Variants in GAD2 observed in about 807,000 individuals in gnomAD.
The protein encoded by GAD2 is glutamate decarboxylase 2.
In GAD2, 22 loss-of-function variants were observed where a neutral mutation model predicts 80.1. The ratio of observed to expected loss-of-function variants is 0.27; its 90% confidence interval spans 0.20 to 0.39. The LOEUF is 0.39. Ranked by LOEUF, GAD2 falls within the 10% of genes least tolerant of loss-of-function variation. The probability of loss-of-function intolerance (pLI) is 1.00; values close to 1 mark genes in which losing one functional copy is unlikely to be tolerated. For missense variants in GAD2, 624 were observed against 738.4 expected, an observed-to-expected ratio of 0.85 and a Z score of 1.80; for synonymous variants, 274 against 256.9, an observed-to-expected ratio of 1.07 and a Z score of -0.64.
chr10:26,228,233 C>A (rs1431632096), intron 6 of GAD2, among the ~76,000 whole-genome samples: 2 of 152,198 alleles, frequency 1.3e-5, no homozygotes, highest in African/African-American at 4.8e-5. Flanking sequence ...TTGCAAACAT[C>A]CTAAACTTCC....
chr10:26,281,122 C>T lies in GAD2; in HGVS notation c.1236+35C>T, dbSNP rs748671940. ...TCTTGACTCTGTGTCCCAGTCCGTGCGTGGGCTTTGACTGTCTTTATGCGG... is the reference window on the plus strand; with the variant it reads ...TCTTGACTCTGTGTCCCAGTCCGTGTGTGGGCTTTGACTGTCTTTATGCGG... On this transcript the variant is annotated intron_variant, in intron 12 of 15. Coordinates refer to ENST00000376261, the MANE Select transcript of GAD2 (RefSeq NM_001134366.2). 40 of 1,484,886 alleles carry T rather than the reference C, an allele frequency of 2.7e-5. No individual in the cohort carries two copies. In the Admixed American group the frequency reaches 4.0e-4, roughly 15 times the overall value. 92.0% of individuals were successfully genotyped at this position (1,484,886 alleles called of 1,614,324 possible).
intron 8 of GAD2, among the ~76,000 whole-genome samples, chr10:26,266,713 C>G (rs772976457): frequency 6.6e-6 from 1 of 152,172 alleles, no homozygotes; most frequent in Non-Finnish European, 1.5e-5. Flanking sequence ...GCCCAAAGTT[C>G]GCTGATACAG....
At chr10:26,251,955 G>A (rs1177427694) in intron 8 of GAD2, among the ~76,000 whole-genome samples, 1 of 152,098 alleles carries the variant, frequency 6.6e-6, no homozygotes, top group Non-Finnish European at 1.5e-5. Flanking sequence ...CCACCATTGG[G>A]GTCAGAATCA....
chr10:26,242,707 A>G lies in GAD2; in HGVS notation c.841-3214A>G, dbSNP rs1844757962. The stretch of plus-strand genomic sequence containing the variant: ...CTGTCTTTAAGCTTTCTATCTGGGC[A>G]TGTGTTTTTCTTTAAATCTGCAGCA... On this transcript the variant is annotated intron_variant, in intron 7 of 15. Coordinates refer to ENST00000376261, the MANE Select transcript of GAD2 (RefSeq NM_001134366.2). Among the ~76,000 whole-genome samples the G allele has an allele frequency of 2.6e-5, 4 of 152,168 alleles. No homozygotes were observed. The South Asian group carries it at 8.3e-4, about 32-fold the overall frequency.
In GAD2 at chr10:26,281,080, G is replaced by A; in HGVS notation, c.1229G>A (p.Arg410Lys). 6.2e-7 allele frequency: 1 copy of A among 1,611,860 alleles called. No individual in the cohort carries two copies. Among genetic ancestry groups the A allele is most frequent in the Non-Finnish European group, 8.5e-7 (1 of 1,178,160 alleles). ...TTGCAGTGCTCTGCTCTCCTGGTTA[G>A]AGAAGAGGTATGTCTCTCTTGACTC... ...VPLQCSALLV[R>K]EEGLMQNCNQ... is the part of the protein sequence containing the mutation. The change falls in exon 12 of 16, where the codon AGA becomes AAA. Residue 410 changes from arginine (R) to lysine (K), a missense_variant. Transcript: ENST00000376261.
intron 7 of GAD2, among the ~76,000 whole-genome samples, chr10:26,242,044 G>A (rs1209034462): frequency 6.6e-6 from 1 of 152,112 alleles, no homozygotes; most frequent in Non-Finnish European, 1.5e-5. Context: ...GCAGTGGCGT[G>A]ATCTTGGCTC....
chr10:26,233,311 G>C (rs1844629169), intron 7 of GAD2, among the ~76,000 whole-genome samples: 1 of 152,170 alleles, frequency 6.6e-6, no homozygotes, highest in Non-Finnish European at 1.5e-5. Flanking sequence ...TACCTTCCCT[G>C]ATCAAGTTTC....
Position 26,231,475 on chromosome 10 carries a change from C to T in GAD2, c.840+1698C>T, listed in dbSNP as rs8190644. ...TAGCTGTGGAATTAAAGGAAACTAG[C>T]AATTCCATGTTAACAAATTATCAAA... On this transcript the variant is annotated intron_variant, in intron 7 of 15. Transcript: ENST00000376261. Among the ~76,000 whole-genome samples the T allele has an allele frequency of 6.9e-3, 1,055 of 152,328 alleles. 6 individuals are homozygous for T. The highest frequency in any genetic ancestry group is 9.5e-3 in the Non-Finnish European group (648 of 68,042).
intron 12 of GAD2, among the ~76,000 whole-genome samples, chr10:26,281,792 G>T (rs8190754): frequency 0.22 from 34,102 of 151,956 alleles, 4,177 homozygotes; most frequent in African/African-American, 0.32. Flanking sequence ...CTTCCGTGAC[G>T]CCAGGCCGGA....
chr10:26,231,641 C>A lies in GAD2; in HGVS notation c.840+1864C>A, dbSNP rs185013034. On this transcript the variant is annotated intron_variant, in intron 7 of 15. Transcript: ENST00000376261. The stretch of plus-strand genomic sequence containing the variant: ...TTCTGTTGCTGCTGGAACAAATGAT[C>A]ACAAACTTTGTGGCTTACAACAATA... Among the ~76,000 whole-genome samples the A allele has an allele frequency of 1.5e-4, 23 of 152,258 alleles. No individual in the cohort carries two copies. The East Asian group carries it at 4.2e-3, about 28-fold the overall frequency.
At position 26,217,681 on chromosome 10, in the gene GAD2, G is replaced by A; in HGVS notation, c.136+12G>A. The stretch of plus-strand genomic sequence containing the variant: ...AAACAAACTGTGCGGTGAGTGCCCA[G>A]GGACCGGGGCGGCCAAGGTCGGCCC... On this transcript the variant is annotated intron_variant, in intron 2 of 15. Coordinates refer to ENST00000376261, the MANE Select transcript of GAD2 (RefSeq NM_001134366.2). The surrounding 1 kb of genome is among the most constrained non-coding windows in gnomAD (Gnocchi z 4.9). 6.2e-7 allele frequency: 1 copy of A among 1,613,064 alleles called. No individual in the cohort carries two copies. Among genetic ancestry groups the A allele is most frequent in the South Asian group, 1.1e-5 (1 of 90,854 alleles).
intron 11 of GAD2, 89 bp downstream of exon 11, chr10:26,273,789 A>G (rs1249649677): frequency 1.8e-6 from 2 of 1,085,390 alleles, no homozygotes; most frequent in East Asian, 4.9e-5. Context: ...AACTTTTGGA[A>G]TACTGAGTGA....
At chr10:26,277,712 C>T (rs368338619) in intron 11 of GAD2, among the ~76,000 whole-genome samples, 2 of 151,862 alleles carry the variant, frequency 1.3e-5, no homozygotes, top group Admixed American at 6.6e-5. Context: ...GGTATAGAGA[C>T]GGGGAAGAAA....
intron 15 of GAD2, among the ~76,000 whole-genome samples, chr10:26,295,845 A>G (rs1834268463): frequency 1.3e-5 from 2 of 152,314 alleles, no homozygotes; most frequent in Admixed American, 6.5e-5. Flanking sequence ...TATGTGAACC[A>G]AAAGAACAAA....
At chr10:26,294,817 C>T (rs541590475) in intron 15 of GAD2, among the ~76,000 whole-genome samples, 22 of 152,130 alleles carry the variant, frequency 1.4e-4, no homozygotes, top group East Asian at 3.9e-4. Flanking sequence ...ATAGGGGGTG[C>T]GGGTGTCTGC....
At chr10:26,278,430 A>G (rs1419880357) in intron 11 of GAD2, among the ~76,000 whole-genome samples, 1 of 152,212 alleles carries the variant, frequency 6.6e-6, no homozygotes, top group African/African-American at 2.4e-5. Context: ...AATACATATT[A>G]TTATTCTCCT....
intron 8 of GAD2, among the ~76,000 whole-genome samples, chr10:26,249,087 G>C (rs1275125185): frequency 1.3e-5 from 2 of 152,178 alleles, no homozygotes; most frequent in Non-Finnish European, 2.9e-5. Flanking sequence ...GGAGGGGATG[G>C]AGTCTCGCTC....
intron 11 of GAD2, among the ~76,000 whole-genome samples, chr10:26,273,972 A>AG (rs1404588852): frequency 1.3e-5 from 2 of 152,230 alleles, no homozygotes; most frequent in African/African-American, 2.4e-5. Context: ...ATTCCTGTCT[A>AG]GGGTCTATTC....
At chr10:26,225,872 G>T (rs1249334893) in intron 6 of GAD2, among the ~76,000 whole-genome samples, 1 of 152,130 alleles carries the variant, frequency 6.6e-6, no homozygotes, top group Non-Finnish European at 1.5e-5. Context: ...TATTTTTTAT[G>T]GCACTTAGTA....
Sources: gnomAD v4.1 joint callset for allele counts (sites outside exome capture counted in the v4.1 genomes callset) on GRCh38, gnomAD v4.1.1 for gene constraint, Gnocchi (gnomAD v3.1) non-coding constraint, MANE v1.5 for transcripts, NCBI Gene and HGNC (gene_info 2026-07-23, HGNC 2026-07-21) for gene names.